ANKRD26: variants seen among roughly 807,000 people sequenced by gnomAD.
ANKRD26 encodes the protein ankyrin repeat domain-containing protein 26.
In ANKRD26, 141 loss-of-function variants were observed where a neutral mutation model predicts 208.7. The ratio of observed to expected loss-of-function variants is 0.68; its 90% CI spans 0.59 to 0.78. The LOEUF is 0.78. Among genes scored for constraint, ANKRD26 ranks in the 30% least tolerant of loss-of-function variants. ANKRD26 has a pLI of 0.00. For missense variants in ANKRD26, 1,889 were observed against 1,938.7 expected (o/e 0.97, Z 0.48); for synonymous variants, 636 against 660.4 (o/e 0.96, Z 0.57).
chr10:27,023,666 G>C (rs1241224382), intron 28 of ANKRD26, among the ~76,000 whole-genome samples: 1 of 152,036 alleles, frequency 6.6e-6, no homozygotes, highest in Non-Finnish European at 1.5e-5. Flanking sequence ...AAAGTAAAAG[G>C]GATGCCAAAC....
chr10:27,082,712 A>G (rs554834003), intron 6 of ANKRD26, 91 bp downstream of exon 6: 4 of 1,480,066 alleles, frequency 2.7e-6, no homozygotes, highest in East Asian at 5.1e-5. Flanking sequence ...GGAGAAGCAC[A>G]TAATATGGTG....
intron 11 of ANKRD26, among the ~76,000 whole-genome samples, chr10:27,064,314 A>G (rs1264942759): frequency 6.6e-6 from 1 of 152,154 alleles, no homozygotes; most frequent in African/African-American, 2.4e-5. Context: ...CTGCAAACCA[A>G]ACATGGAAGT....
At chr10:27,006,691 G>GT (rs1554771555) in intron 33 of ANKRD26, among the ~76,000 whole-genome samples, 20 of 152,270 alleles carry the variant, frequency 1.3e-4, no homozygotes, top group African/African-American at 4.8e-4. Context: ...GATTTCTTGA[G>GT]TTTTTTTAAA....
At chr10:27,073,196 G>A (rs551502658) in intron 9 of ANKRD26, among the ~76,000 whole-genome samples, 2 of 152,212 alleles carry the variant, frequency 1.3e-5, no homozygotes, top group Non-Finnish European at 2.9e-5. Flanking sequence ...GGGCTCAGTG[G>A]AGAAAATCTA....
intron 18 of ANKRD26, among the ~76,000 whole-genome samples, chr10:27,044,556 C>T (rs529506640): frequency 1.9e-4 from 28 of 150,900 alleles, no homozygotes; most frequent in African/African-American, 4.6e-4. Flanking sequence ...TCAATAAAAA[C>T]AAGCTTTTAC....
the ANKRD26 span, among the ~76,000 whole-genome samples, chr10:26,955,697 G>A: frequency 6.6e-6 from 1 of 152,082 alleles, no homozygotes; most frequent in Non-Finnish European, 1.5e-5. Flanking sequence ...AAAGCATAAA[G>A]AAAATAGTGA....
At chr10:27,061,342 C>T in intron 12 of ANKRD26, 100 bp from the exon 13 acceptor site, 8 of 723,862 alleles carry the variant, frequency 1.1e-5, no homozygotes, top group Non-Finnish European at 1.8e-5. Flanking sequence ...TTTTATATTT[C>T]AAAATTAGTG....
At chr10:27,099,574 T>A (rs1340912913) in intron 1 of ANKRD26, among the ~76,000 whole-genome samples, 2 of 87,608 alleles carry the variant, frequency 2.3e-5, no homozygotes, top group African/African-American at 4.3e-5. Flanking sequence ...GGGGGGGGGG[T>A]CTCGCTATAA....
intron 1 of ANKRD26, among the ~76,000 whole-genome samples, chr10:27,096,765 C>CAAAAAAAAAAAAA (rs1177909846): frequency 4.1e-5 from 3 of 73,160 alleles, no homozygotes; most frequent in Non-Finnish European, 6.4e-5. Context: ...GACTCCATCT[C>CAAAAAAAAAAAAA]AAAAAAAAAA....
At chr10:27,057,614 C>G (rs115274970) in intron 15 of ANKRD26, among the ~76,000 whole-genome samples, 2,116 of 152,228 alleles carry the variant, frequency 0.014, 30 homozygotes, top group Middle Eastern at 0.031. Flanking sequence ...ACTTTTTAAG[C>G]CTTGGGTAAA....
intron 17 of ANKRD26, among the ~76,000 whole-genome samples, chr10:27,047,735 TAA>T (rs1564388449): frequency 2.1e-4 from 9 of 43,768 alleles, no homozygotes; most frequent in African/African-American, 3.8e-4. Flanking sequence ...ATAATAATAA[TAA>T]TAATTATTAT....
intron 6 of ANKRD26, among the ~76,000 whole-genome samples, chr10:27,080,442 AC>A (rs774055806): frequency 2.6e-5 from 4 of 152,130 alleles, no homozygotes; most frequent in Non-Finnish European, 5.9e-5. Flanking sequence ...GGGACTACTC[AC>A]CCCAGAAATA....
chr10:27,043,168 A>T (rs1032985776), intron 20 of ANKRD26, among the ~76,000 whole-genome samples: 6 of 151,846 alleles, frequency 4.0e-5, no homozygotes, highest in Non-Finnish European at 8.8e-5. Flanking sequence ...AAAAATAAAA[A>T]ATTAAAATGA....
intron 25 of ANKRD26, among the ~76,000 whole-genome samples, chr10:27,031,783 C>G (rs1463379598): frequency 6.6e-6 from 1 of 152,006 alleles, no homozygotes; most frequent in Non-Finnish European, 1.5e-5. Context: ...GATGTACATG[C>G]TATACATAAT....
intron 16 of ANKRD26, chr10:27,051,688 C>T: frequency 1.0e-6 from 1 of 985,292 alleles, no homozygotes; most frequent in Non-Finnish European, 1.2e-6. Context: ...AATGAAAAGC[C>T]ATTTTCGAGA....
rs188472177 is a variant in ANKRD26, at chr10:26,997,559, C to T, written c.563-2412G>A. On this transcript the variant is annotated intron_variant, in intron 4 of 5. Transcript: ENST00000445828. ...AGGCTGAGGGAAGAGTCCTCTGAGG[C>T]GGTTTAACATTTTTCTGAGACTGAG... is the stretch of plus-strand genomic sequence containing the variant. Among the ~76,000 whole-genome samples, 288 of 152,164 alleles carry T rather than the reference C, an allele frequency of 1.9e-3. 6 individuals are homozygous for T. The highest frequency in any genetic ancestry group is 0.016 in the Admixed American group (240 of 15,290).
intron 4 of ANKRD26, among the ~76,000 whole-genome samples, 181 bp from the exon 5 acceptor site, chr10:27,086,790 G>A (rs1228978642): frequency 3.5e-5 from 1 of 28,948 alleles, no homozygotes. Context: ...TTTTTTTTTT[G>A]AGACAGAGTC....
chr10:27,080,744 A>C (rs1362613528), intron 6 of ANKRD26: 3 of 985,378 alleles, frequency 3.0e-6, no homozygotes, highest in African/African-American at 1.7e-5. Flanking sequence ...CAAATGCCCA[A>C]GAGTAGAAGC....
At chr10:26,957,945 T>C in the ANKRD26 span, among the ~76,000 whole-genome samples, 1 of 152,092 alleles carries the variant, frequency 6.6e-6, no homozygotes, top group African/African-American at 2.4e-5. Flanking sequence ...TGTGACAAAC[T>C]TGAACACCAA....
Sources: gnomAD v4.1 joint callset for allele counts (sites outside exome capture counted in the v4.1 genomes callset) on GRCh38, gnomAD v4.1.1 for gene constraint, MANE v1.5 for transcripts, NCBI Gene and HGNC (gene_info 2026-07-23, HGNC 2026-07-21) for gene names.